TBC1D17: variants seen among roughly 807,000 people sequenced by gnomAD.
TBC1D17 encodes TBC1 domain family, member 17.
Under a neutral mutation model 78.8 loss-of-function variants are expected in TBC1D17, and 69 were observed. The ratio of observed to expected loss-of-function variants is 0.88; its 90% CI spans 0.72 to 1.07. TBC1D17 has a LOEUF of 1.07. TBC1D17 is among the 50% of genes least tolerant of loss of function. The pLI is 0.00. For missense variants in TBC1D17, 957 were observed against 861.0 expected, an observed-to-expected ratio of 1.11 and a Z score of -1.39; for synonymous variants, 456 against 358.3, an observed-to-expected ratio of 1.27 and a Z score of -3.08.
intron 1 of TBC1D17, 143 bp downstream of exon 1, chr19:49,877,887 C>T (rs539931627): frequency 0.011 from 11,132 of 1,044,636 alleles, 88 homozygotes; most frequent in Middle Eastern, 0.038. Context: ...CCGTCACCCT[C>T]CCGTCCACCG....
At position 49,888,469 on chromosome 19, in the gene TBC1D17, G is replaced by GCAGAGCCC. The variant is rs1415105214; in HGVS notation, c.1795_1802dup (p.His601GlnfsTer64). 3 of 1,584,266 alleles carry GCAGAGCCC rather than the reference G, an allele frequency of 1.9e-6. No homozygotes were observed. The highest frequency in any genetic ancestry group is 2.6e-6 in the Non-Finnish European group (3 of 1,169,500). ...GGAGATCCTGGGGCTGGCCCCGCCC[G>GCAGAGCCC]CAGAGCCCCACAGCCCCTCGCCCAC... On this transcript the variant is annotated frameshift_variant, in exon 17 of 17. Transcript: ENST00000221543. LOFTEE classifies it low-confidence loss of function (END_TRUNC).
chr19:49,880,525 T>C, intron 4 of TBC1D17, 123 bp downstream of exon 4: 1 of 1,311,766 alleles, frequency 7.6e-7, no homozygotes. Flanking sequence ...GTCACCACCT[T>C]CCAGTCCCAG....
chr19:49,887,246 TTCCATGTCCATGGCAG>T (rs2075066058), intron 13 of TBC1D17: 1 of 538,924 alleles, frequency 1.9e-6, no homozygotes, highest in Non-Finnish European at 3.4e-6. Context: ...CCTGCCTCCC[TTCCATGTCCATGGCAG>T]ATGTGGAAGT....
At position 49,882,116 on chromosome 19, in the gene TBC1D17, G is replaced by C; in HGVS notation, c.603G>C (p.Leu201=). Residue 201 remains leucine, a synonymous_variant, in exon 6 of 17, where the codon CTG becomes CTC. Coordinates refer to ENST00000221543, the MANE Select transcript of TBC1D17 (RefSeq NM_024682.3). ...SSALSNSFHH[L]QLFDQDSSNV... ...CTCTCTCCAACTCCTTCCACCACCT[G>C]CAGCTCTTTGACCAGGACAGCTCCA... 1 of 1,614,118 alleles carries C rather than the reference G, an allele frequency of 6.2e-7. No homozygotes were observed. The highest frequency in any genetic ancestry group is 8.5e-7 in the Non-Finnish European group (1 of 1,179,994).
intron 15 of TBC1D17, 96 bp downstream of exon 15, chr19:49,887,930 A>T (rs2075074921): frequency 8.8e-7 from 1 of 1,135,476 alleles, no homozygotes; most frequent in Non-Finnish European, 1.3e-6. Flanking sequence ...GTGTGGGATT[A>T]TTGAAAGCCT....
intron 13 of TBC1D17, 45 bp downstream of exon 13, chr19:49,884,803 C>T: frequency 6.4e-7 from 1 of 1,562,356 alleles, no homozygotes; most frequent in Non-Finnish European, 8.8e-7. Flanking sequence ...GGGCCATAGA[C>T]CTTGCCAGAT....
chr19:49,881,582 G>A (rs1012081924), intron 5 of TBC1D17, 107 bp downstream of exon 5: 6 of 1,143,602 alleles, frequency 5.2e-6, no homozygotes, highest in Non-Finnish European at 6.1e-6. Flanking sequence ...TGATTTAAAG[G>A]CAGGCAAAGA....
At chr19:49,880,987 AG>A (rs2075007739) in intron 4 of TBC1D17, among the ~76,000 whole-genome samples, 1 of 152,158 alleles carries the variant, frequency 6.6e-6, no homozygotes, top group African/African-American at 2.4e-5. Flanking sequence ...GCAGGGGCGA[AG>A]GACAGACCCG....
chr19:49,879,458 A>G (rs1386598926), intron 3 of TBC1D17: 3 of 152,364 alleles, frequency 2.0e-5, no homozygotes, highest in African/African-American at 7.2e-5. Flanking sequence ...ACAGCCAAAC[A>G]CAGCCAAGGC....
At position 49,887,498 on chromosome 19, in the gene TBC1D17, C is replaced by T. The variant is rs768810325; in HGVS notation, c.1467C>T (p.Leu489=). Residue 489 remains leucine (L), a synonymous_variant, in exon 14 of 17, where the codon CTC becomes CTT. Coordinates refer to ENST00000221543, the MANE Select transcript of TBC1D17 (RefSeq NM_024682.3). ...DFLDSQDSGS[L]CFCFRWLLIW... Reference sequence around the variant, plus strand: ...CAGATTCCCAGGACTCCGGCTCTCTCTGCTTCTGTTTCCGGTGGCTGCTCA... The same window carrying T: ...CAGATTCCCAGGACTCCGGCTCTCTTTGCTTCTGTTTCCGGTGGCTGCTCA... 6.2e-7 allele frequency: 1 copy of T among 1,614,166 alleles called. No individual in the cohort carries two copies.
intron 15 of TBC1D17, 57 bp downstream of exon 15, chr19:49,887,891 C>A: frequency 7.2e-7 from 1 of 1,381,808 alleles, no homozygotes; most frequent in Non-Finnish European, 1.0e-6. Flanking sequence ...CTGCCCAGGG[C>A]CGCAGTACCT....
At chr19:49,887,233 C>T in intron 13 of TBC1D17, 1 of 515,748 alleles carries the variant, frequency 1.9e-6, no homozygotes, top group Non-Finnish European at 3.5e-6. Context: ...GCGTGCTGGG[C>T]GTCCTGCCTC....
chr19:49,884,412 G>C, intron 11 of TBC1D17, 43 bp downstream of exon 11: 1 of 1,613,894 alleles, frequency 6.2e-7, no homozygotes, highest in South Asian at 1.1e-5. Context: ...GGGCTGTCCA[G>C]GGGAGCGCTG....
At chr19:49,879,134 A>G (rs1287643822) in intron 3 of TBC1D17, 2 of 152,682 alleles carry the variant, frequency 1.3e-5, no homozygotes, top group African/African-American at 4.8e-5. Context: ...AGACAGTCTG[A>G]TTCCAGATCC....
In TBC1D17 at chr19:49,887,278, A is replaced by G. The variant is rs1193133321; in HGVS notation, c.1445-198A>G. 3 of 590,040 alleles carry G rather than the reference A, an allele frequency of 5.1e-6. No individual in the cohort carries two copies. The East Asian group carries it at 8.7e-5, about 17-fold the overall frequency. 36.6% of individuals were successfully genotyped at this position (590,040 alleles called of 1,614,324 possible). ...TCCATGGCAGATGTGGAAGTATAAT[A>G]GCACACTTCCTCTGGAGAGTGGGAG... On this transcript the variant is annotated intron_variant, in intron 13 of 16. Coordinates refer to ENST00000221543, the MANE Select transcript of TBC1D17 (RefSeq NM_024682.3).
chr19:49,887,373 G>A, intron 13 of TBC1D17, 103 bp from the exon 14 acceptor site: 1 of 1,242,794 alleles, frequency 8.0e-7, no homozygotes, highest in Admixed American at 2.0e-5. Flanking sequence ...CCAGGCATAA[G>A]TCACTTGCCT....
intron 13 of TBC1D17, 59 bp from the exon 14 acceptor site, chr19:49,887,417 T>A (rs571794359): frequency 6.5e-7 from 1 of 1,545,446 alleles, no homozygotes; most frequent in South Asian, 1.1e-5. Context: ...CAGGATGACT[T>A]CTCAAACTCT....
chr19:49,887,866 C>A (rs761254216), intron 15 of TBC1D17, 32 bp downstream of exon 15: 1 of 1,552,356 alleles, frequency 6.4e-7, no homozygotes, highest in Non-Finnish European at 8.8e-7. Context: ...CGCCCTGTCC[C>A]CCCTGAGCTG....
Position 49,880,358 on chromosome 19 carries a change from T to C in TBC1D17, c.275T>C (p.Ile92Thr). 1 of 1,614,020 alleles carries C rather than the reference T, an allele frequency of 6.2e-7. No individual in the cohort carries two copies. Among genetic ancestry groups the C allele is most frequent in the East Asian group, 2.2e-5 (1 of 44,878 alleles). Residue 92 changes from isoleucine (I) to threonine (T), a missense_variant, in exon 4 of 17, where the codon ATC (isoleucine) becomes ACC (threonine). Coordinates refer to ENST00000221543, the MANE Select transcript of TBC1D17 (RefSeq NM_024682.3). ...GGCTATGAACCTGACTGGGCTGTCA[T>C]CAGCACTGTGCGGCCACAGCTCTGC... ...DPGYEPDWAV[I>T]STVRPQLCHS...
Sources: allele counts gnomAD v4.1 joint callset (sites outside exome capture counted in the v4.1 genomes callset), GRCh38; gene constraint gnomAD v4.1.1; transcripts MANE v1.5; gene names NCBI Gene and HGNC (gene_info 2026-07-23, HGNC 2026-07-21).